ANO4: variants seen among roughly 807,000 people sequenced by gnomAD.
The protein encoded by ANO4 is anoctamin 4.
In ANO4, 69 loss-of-function variants were observed where a neutral mutation model predicts 141.9. The ratio of observed to expected loss-of-function variants is 0.49; its 90% CI spans 0.40 to 0.59. The LOEUF is 0.59. Ranked by LOEUF, ANO4 falls within the 20% of genes least tolerant of loss-of-function variation. The pLI is 0.00. For missense variants in ANO4, 894 were observed against 1,162.2 expected, an observed-to-expected ratio of 0.77 and a Z score of 3.36; for synonymous variants, 350 against 394.3, an observed-to-expected ratio of 0.89 and a Z score of 1.33.
chr12:100,870,667 T>C (rs911155572), intron 1 of ANO4, among the ~76,000 whole-genome samples: 1 of 152,158 alleles, frequency 6.6e-6, no homozygotes, highest in Non-Finnish European at 1.5e-5. Context: ...AAAACTCTTT[T>C]TATGGACTGG....
Position 101,039,965 on chromosome 12 carries a change from G to A in ANO4, c.908G>A (p.Arg303Lys), listed in dbSNP as rs1159736708. The change falls in exon 11 of 28, where the codon AGA becomes AAA. Residue 303 changes from arginine to lysine, a missense_variant. Arg to Lys is a conservative substitution (Grantham distance 26). Coordinates refer to ENST00000392977, the MANE Select transcript of ANO4 (RefSeq NM_001286615.2). ...GTGTTTTTATCCCAGGGAAGTTATAGAAGTAAAAACTCCATTCGAACCCAT... is the reference window on the plus strand; with the variant it reads ...GTGTTTTTATCCCAGGGAAGTTATAAAAGTAAAAACTCCATTCGAACCCAT... ...AAFPLHEGSY[R>K]SKNSIRTHGA... is the part of the protein sequence containing the mutation. The A allele has an allele frequency of 6.2e-7, 1 of 1,611,986 alleles. No individual in the cohort carries two copies. The highest frequency in any genetic ancestry group is 2.2e-5 in the East Asian group (1 of 44,830).
At chr12:100,953,833 T>C (rs941301337) in intron 5 of ANO4, among the ~76,000 whole-genome samples, 1 of 152,082 alleles carries the variant, frequency 6.6e-6, no homozygotes, top group Non-Finnish European at 1.5e-5. Context: ...TGCATTCCTA[T>C]GCAGGCTGGC....
intron 3 of ANO4, among the ~76,000 whole-genome samples, chr12:100,755,259 C>G (rs555649519): frequency 6.6e-6 from 1 of 152,232 alleles, no homozygotes; most frequent in Non-Finnish European, 1.5e-5. Flanking sequence ...ATGCTCATCC[C>G]TCACCTGGAG....
intron 17 of ANO4, among the ~76,000 whole-genome samples, chr12:101,087,481 C>T (rs539765115): frequency 2.6e-5 from 4 of 152,170 alleles, no homozygotes; most frequent in African/African-American, 9.6e-5. Context: ...AGTGACAGGG[C>T]CACTGCACTC....
At chr12:101,062,757 G>C (rs1380309864) in intron 14 of ANO4, among the ~76,000 whole-genome samples, 1 of 152,182 alleles carries the variant, frequency 6.6e-6, no homozygotes, top group Non-Finnish European at 1.5e-5. Context: ...AGCATCCCAG[G>C]TCAACTTCAG....
chr12:100,949,649 A>C (rs910553202), intron 5 of ANO4, among the ~76,000 whole-genome samples: 8 of 152,226 alleles, frequency 5.3e-5, no homozygotes, highest in African/African-American at 1.9e-4. Context: ...AATTCTTTAT[A>C]ACGCAACCAT....
At chr12:100,817,016 G>T (rs1300484858) in intron 1 of ANO4, among the ~76,000 whole-genome samples, 1 of 151,710 alleles carries the variant, frequency 6.6e-6, no homozygotes, top group Non-Finnish European at 1.5e-5. Context: ...ATCTTGTGGG[G>T]AATGACTTAG....
chr12:101,127,134 C>T (rs2051354058), intron 27 of ANO4, 60 bp downstream of exon 27: 3 of 1,467,338 alleles, frequency 2.0e-6, no homozygotes, highest in East Asian at 2.4e-5. Flanking sequence ...GTGCTTTAAA[C>T]TCCCTGAAGC....
intron 17 of ANO4, among the ~76,000 whole-genome samples, chr12:101,092,177 A>G (rs1386396530): frequency 1.3e-5 from 2 of 152,154 alleles, no homozygotes; most frequent in Non-Finnish European, 2.9e-5. Flanking sequence ...AGCCATGCCA[A>G]TCTGAATCAG....
intron 2 of ANO4, among the ~76,000 whole-genome samples, chr12:100,738,093 A>G (rs1422360390): frequency 6.6e-6 from 1 of 152,204 alleles, no homozygotes; most frequent in Non-Finnish European, 1.5e-5. Flanking sequence ...AGAACCACAT[A>G]GTTAACATTA....
chr12:100,869,835 C>T (rs1042239574), intron 1 of ANO4, among the ~76,000 whole-genome samples: 5 of 152,148 alleles, frequency 3.3e-5, no homozygotes, highest in Non-Finnish European at 7.3e-5. Context: ...CTGCTGTAAC[C>T]ATAGCAATTA....
upstream of ANO4, among the ~76,000 whole-genome samples, chr12:100,790,404 A>G (rs535881860): frequency 2.6e-5 from 4 of 152,306 alleles, no homozygotes; most frequent in African/African-American, 7.2e-5. Flanking sequence ...AACCATTATA[A>G]TAGTTTAAAA....
intron 3 of ANO4, among the ~76,000 whole-genome samples, chr12:100,741,698 CA>C (rs2031872159): frequency 6.6e-6 from 1 of 152,182 alleles, no homozygotes; most frequent in African/African-American, 2.4e-5. Context: ...GTCAGTTTGA[CA>C]GCGGAAAGAA....
rs1489506179 is a variant in ANO4, at chr12:100,720,487, A to G, written c.22+2940A>G. On this transcript the variant is annotated intron_variant, in intron 1 of 29. Coordinates refer to the ANO4 transcript ENST00000644049. ...GCTAGAAGGTCATTGTGGCTAGAGC[A>G]GAGAGAGCAAGCAGAAGACAGGAAG... Among the ~76,000 whole-genome samples the G allele has an allele frequency of 9.2e-5, 14 of 151,834 alleles. No homozygotes were observed. In the South Asian group the frequency reaches 2.5e-3, roughly 27 times the overall value.
chr12:100,983,003 A>G (rs1038746691), intron 7 of ANO4, among the ~76,000 whole-genome samples: 2 of 152,202 alleles, frequency 1.3e-5, no homozygotes, highest in Non-Finnish European at 2.9e-5. Flanking sequence ...CAAGAGTCCA[A>G]CTTGAATCTT....
chr12:100,810,665 C>T (rs1254066209), intron 1 of ANO4, among the ~76,000 whole-genome samples: 2 of 151,990 alleles, frequency 1.3e-5, no homozygotes, highest in Non-Finnish European at 2.9e-5. Flanking sequence ...TAGAAGGATA[C>T]AGGAAAGTGT....
At chr12:100,773,226 C>A (rs1449740136) in intron 3 of ANO4, among the ~76,000 whole-genome samples, 1 of 152,176 alleles carries the variant, frequency 6.6e-6, no homozygotes, top group Non-Finnish European at 1.5e-5. Flanking sequence ...GATAAAGGCA[C>A]TAATGCCAGT....
intron 22 of ANO4, among the ~76,000 whole-genome samples, chr12:101,100,386 A>G (rs2050144523): frequency 1.3e-5 from 2 of 152,302 alleles, no homozygotes; most frequent in South Asian, 4.1e-4. Context: ...CTTTCTGGTC[A>G]AATTAGAAAT....
intron 5 of ANO4, among the ~76,000 whole-genome samples, chr12:100,963,998 A>G (rs1002885974): frequency 2.0e-4 from 31 of 152,236 alleles, no homozygotes; most frequent in African/African-American, 7.2e-4. Context: ...ACTGAGGCTT[A>G]TGAATTGAGT....
Sources: allele counts gnomAD v4.1 joint callset (sites outside exome capture counted in the v4.1 genomes callset), GRCh38; gene constraint gnomAD v4.1.1; transcripts MANE v1.5; gene names NCBI Gene and HGNC (gene_info 2026-07-23, HGNC 2026-07-21).